Variants in SLC24A2 observed in about 807,000 individuals in gnomAD.
SLC24A2 encodes the protein sodium/potassium/calcium exchanger 2.
A neutral mutation model predicts 62.0 loss-of-function variants in SLC24A2; 36 were observed. The observed-to-expected ratio is 0.58, with a 90% CI of 0.44 to 0.77. The LOEUF is 0.77. SLC24A2 is among the 30% of genes least tolerant of loss of function. The probability of loss-of-function intolerance (pLI) is 0.00; values close to 1 mark genes in which losing one functional copy is unlikely to be tolerated. For missense variants in SLC24A2, 846 were observed against 817.9 expected (o/e 1.03, Z -0.42); for synonymous variants, 358 against 294.0 (o/e 1.22, Z -2.23).
Position 19,510,422 on chromosome 9 carries a change from A to G in SLC24A2, c.*5731T>C, listed in dbSNP as rs1364518332. 6 of 130,912 alleles carry G rather than the reference A, an allele frequency of 4.6e-5. No individual in the cohort carries two copies. Among genetic ancestry groups the G allele is most frequent in the Non-Finnish European group, 1.6e-5 (1 of 63,416 alleles). 8.1% of individuals were successfully genotyped at this position (130,912 alleles called of 1,614,324 possible). A position where few individuals can be genotyped will look rare whatever the true frequency, so the allele number is the denominator to read the frequency against. On this transcript the variant is annotated 3_prime_UTR_variant, in exon 11 of 11. Coordinates refer to ENST00000341998, the MANE Select transcript of SLC24A2 (RefSeq NM_020344.4). ...CAAAGAGTGAAGAGTGCCCAGATGC[A>G]GTTACTTTTTGCCAAAAAAAAAAAA...
At chr9:20,057,901 A>G in the SLC24A2 span, among the ~76,000 whole-genome samples, 2 of 152,230 alleles carry the variant, frequency 1.3e-5, no homozygotes, top group East Asian at 1.9e-4. Context: ...ATGAAACTAC[A>G]TCATCTGACT....
the SLC24A2 span, among the ~76,000 whole-genome samples, chr9:20,039,079 G>C: frequency 6.6e-6 from 1 of 152,202 alleles, no homozygotes; most frequent in African/African-American, 2.4e-5. Context: ...GTGGGTGAAG[G>C]AGAAAAAGAA....
chr9:20,162,692 G>C, the SLC24A2 span, among the ~76,000 whole-genome samples: 3 of 152,140 alleles, frequency 2.0e-5, no homozygotes. Context: ...GAGAATTTTA[G>C]ACCAATATCC....
At chr9:20,202,819 G>A in the SLC24A2 span, among the ~76,000 whole-genome samples, 1 of 152,130 alleles carries the variant, frequency 6.6e-6, no homozygotes, top group Non-Finnish European at 1.5e-5. Context: ...ACCAGGAATG[G>A]GCTTAGTAGG....
the SLC24A2 span, among the ~76,000 whole-genome samples, chr9:20,235,843 G>A: frequency 5.6e-4 from 85 of 152,256 alleles, no homozygotes; most frequent in African/African-American, 1.9e-3. Flanking sequence ...GCTGTAGACC[G>A]GAGCTGTTCC....
chr9:19,766,191 T>C (rs893586690), intron 2 of SLC24A2, among the ~76,000 whole-genome samples: 1 of 152,230 alleles, frequency 6.6e-6, no homozygotes, highest in African/African-American at 2.4e-5. Flanking sequence ...TGGTTAGCAA[T>C]TCCTCTAACC....
At chr9:19,622,795 G>C (rs918429293) in intron 2 of SLC24A2, among the ~76,000 whole-genome samples, 1 of 152,164 alleles carries the variant, frequency 6.6e-6, no homozygotes, top group South Asian at 2.1e-4. Flanking sequence ...CTGGGGGATG[G>C]GATTGCAAAG....
At chr9:19,636,319 CTTTCTTTCTTTCTTTCTTTCTTTCTTT>C (rs1818333018) in intron 2 of SLC24A2, among the ~76,000 whole-genome samples, 5 of 43,474 alleles carry the variant, frequency 1.2e-4, no homozygotes, top group East Asian at 5.1e-4. Flanking sequence ...CTTTTCTTTT[CTTTCTTTCTTTCTTTCTTTCTTTCTTT>C]CTTTCTTTCT....
chr9:20,038,515 CT>C, the SLC24A2 span, among the ~76,000 whole-genome samples: 1 of 152,016 alleles, frequency 6.6e-6, no homozygotes, highest in African/African-American at 2.4e-5. Context: ...CGAATAAAAA[CT>C]CAACACACTG....
At chr9:19,877,856 C>T in the SLC24A2 span, among the ~76,000 whole-genome samples, 4 of 152,208 alleles carry the variant, frequency 2.6e-5, no homozygotes, top group African/African-American at 7.2e-5. Flanking sequence ...TTGTGGCGTA[C>T]ACTTAATTTA....
chr9:20,087,517 A>T, the SLC24A2 span, among the ~76,000 whole-genome samples: 1 of 152,314 alleles, frequency 6.6e-6, no homozygotes, highest in African/African-American at 2.4e-5. Context: ...TATAGATCCA[A>T]CTGGTCAAAT....
chr9:19,915,397 C>T, the SLC24A2 span, among the ~76,000 whole-genome samples: 16 of 152,076 alleles, frequency 1.1e-4, no homozygotes, highest in Admixed American at 9.8e-4. Context: ...ATGAACATTC[C>T]GGTACAAGCT....
chr9:19,701,122 GAA>G (rs1820343901), intron 2 of SLC24A2, among the ~76,000 whole-genome samples: 1 of 152,196 alleles, frequency 6.6e-6, no homozygotes, highest in African/African-American at 2.4e-5. Flanking sequence ...AGATTTTTGA[GAA>G]AGAGAACAAC....
chr9:19,759,630 C>T (rs1414759768), intron 2 of SLC24A2, among the ~76,000 whole-genome samples: 2 of 152,148 alleles, frequency 1.3e-5, no homozygotes, highest in Non-Finnish European at 2.9e-5. Context: ...GTAAAGAATA[C>T]TCTAGTTGAC....
chr9:19,966,149 A>C, the SLC24A2 span, among the ~76,000 whole-genome samples: 2 of 152,178 alleles, frequency 1.3e-5, no homozygotes, highest in African/African-American at 4.8e-5. Context: ...GTGCTTAATA[A>C]ATACTTAAGC....
chr9:19,926,071 T>A, the SLC24A2 span: 1 of 152,218 alleles, frequency 6.6e-6, no homozygotes, highest in South Asian at 2.1e-4. Flanking sequence ...TTGTGTTGAG[T>A]ATGTCTACTC....
rs111438654 is a variant in SLC24A2 at position 19,623,096 on chromosome 9, G to C, written c.931-797C>G. Among the ~76,000 whole-genome samples, 660 of 152,256 alleles carry C rather than the reference G, an allele frequency of 4.3e-3. 9 individuals are homozygous for C. Among genetic ancestry groups the C allele is most frequent in the African/African-American group, 0.015 (607 of 41,546 alleles). On this transcript the variant is annotated intron_variant, in intron 2 of 10. Transcript: ENST00000341998. Reference sequence around the variant, plus strand: ...GACAAGGGGGCAGTGGAATTCTACCGACATGACCCACCTGGACAGCTTTTA... The same window carrying C: ...GACAAGGGGGCAGTGGAATTCTACCCACATGACCCACCTGGACAGCTTTTA...
chr9:19,516,869 A>G (rs1322039740), intron 10 of SLC24A2, among the ~76,000 whole-genome samples: 1 of 152,226 alleles, frequency 6.6e-6, no homozygotes, highest in Non-Finnish European at 1.5e-5. Flanking sequence ...CAATGACTTA[A>G]TAGTCTAAAG....
the SLC24A2 span, among the ~76,000 whole-genome samples, chr9:19,857,180 T>G: frequency 6.6e-6 from 1 of 152,314 alleles, no homozygotes; most frequent in Non-Finnish European, 1.5e-5. Flanking sequence ...CTGAAAATCT[T>G]CTAGAGTTTA....
Sources: allele counts gnomAD v4.1 joint callset (sites outside exome capture counted in the v4.1 genomes callset), GRCh38; gene constraint gnomAD v4.1.1; transcripts MANE v1.5; gene names NCBI Gene and HGNC (gene_info 2026-07-23, HGNC 2026-07-21).